Variants in NCOA7 observed in about 807,000 individuals in gnomAD.
The protein encoded by NCOA7 is 140 kDa estrogen receptor-associated protein.
Under a neutral mutation model 104.3 loss-of-function variants are expected in NCOA7, and 45 were observed. That is an observed-to-expected ratio of 0.43 (90% CI 0.34 to 0.55). The LOEUF is 0.55. Among genes scored for constraint, NCOA7 ranks in the 20% least tolerant of loss-of-function variants. The pLI is 0.02. For synonymous variants in NCOA7, 398 were observed against 402.3 expected, an observed-to-expected ratio of 0.99 and a Z score of 0.13; for missense variants, 1,041 against 1,119.7, an observed-to-expected ratio of 0.93 and a Z score of 1.00.
At chr6:125,840,722 C>A (rs1047046484) in intron 2 of NCOA7, among the ~76,000 whole-genome samples, 2 of 150,566 alleles carry the variant, frequency 1.3e-5, no homozygotes, top group Non-Finnish European at 2.9e-5. Flanking sequence ...TCTTTCTAGG[C>A]TGGTCTTGAA....
chr6:125,880,792 A>G (rs949595261), intron 5 of NCOA7, among the ~76,000 whole-genome samples: 2 of 152,118 alleles, frequency 1.3e-5, no homozygotes, highest in African/African-American at 4.8e-5. Context: ...TTGGTCTCCC[A>G]AAGTGCTGGG....
In NCOA7 at chr6:125,815,719, G is replaced by A. The variant is rs112174077; in HGVS notation, c.50+315G>A. Among the ~76,000 whole-genome samples the A allele has an allele frequency of 9.2e-5, 14 of 152,278 alleles. 1 individual carries two copies. Among genetic ancestry groups the A allele is most frequent in the African/African-American group, 3.4e-4 (14 of 41,556 alleles). ...CTACCTTGAATTTTAAATCCTAAGT[G>A]CTTTGTTCCTACTGTTCTGTAGCTT... On this transcript the variant is annotated intron_variant, in intron 2 of 15. Coordinates refer to ENST00000392477, the MANE Select transcript of NCOA7 (RefSeq NM_181782.5).
At chr6:125,868,089 A>C (rs1782585974) in intron 3 of NCOA7, among the ~76,000 whole-genome samples, 1 of 152,230 alleles carries the variant, frequency 6.6e-6, no homozygotes, top group Non-Finnish European at 1.5e-5. Flanking sequence ...TCATCATTAA[A>C]GAAGTTCACT....
At chr6:125,875,135 C>G in intron 4 of NCOA7, 167 bp downstream of exon 4, 1 of 518,318 alleles carries the variant, frequency 1.9e-6, no homozygotes, top group Non-Finnish European at 3.5e-6. Context: ...CATATTTTCT[C>G]CCTGGTCAAT....
intron 2 of NCOA7, among the ~76,000 whole-genome samples, chr6:125,841,132 C>G (rs1780128344): frequency 6.6e-6 from 1 of 151,610 alleles, no homozygotes; most frequent in Non-Finnish European, 1.5e-5. Context: ...ACCTAGAGAT[C>G]CACTGCCTCG....
intron 4 of NCOA7, among the ~76,000 whole-genome samples, chr6:125,876,284 G>A (rs767438218): frequency 1.8e-4 from 27 of 152,148 alleles, no homozygotes; most frequent in Non-Finnish European, 3.5e-4. Flanking sequence ...CCCTGTGAAC[G>A]TCTCTAGACA....
At chr6:125,892,371 T>G (rs1300185094) in intron 10 of NCOA7, among the ~76,000 whole-genome samples, 1 of 152,180 alleles carries the variant, frequency 6.6e-6, no homozygotes, top group Non-Finnish European at 1.5e-5. Flanking sequence ...GTACTTCTCT[T>G]TCACTTCTTA....
At position 125,840,230 on chromosome 6, in the gene NCOA7, G is replaced by T. The variant is rs549496047; in HGVS notation, c.51-14790G>T. Among the ~76,000 whole-genome samples the T allele has an allele frequency of 1.8e-3, 280 of 152,064 alleles. 7 individuals are homozygous for T. The highest frequency in any genetic ancestry group is 6.5e-3 in the African/African-American group (271 of 41,446). On this transcript the variant is annotated intron_variant, in intron 2 of 15. Coordinates refer to ENST00000392477, the MANE Select transcript of NCOA7 (RefSeq NM_181782.5). Reference sequence around the variant, plus strand: ...TTTTAGAAATAGAAAAAAGCTTATAGAATAAGCATATAAAGAAAATATTTT... The same window carrying T: ...TTTTAGAAATAGAAAAAAGCTTATATAATAAGCATATAAAGAAAATATTTT...
Position 125,816,939 on chromosome 6 carries a change from C to T in NCOA7, c.50+1535C>T, listed in dbSNP as rs868713759. On this transcript the variant is annotated intron_variant, in intron 2 of 15. Transcript: ENST00000392477. ...TTGTATCCCTACTCACTCCTTCCAT[C>T]TGCCTGCCTCCTCTGACAACCACTA... is the stretch of plus-strand genomic sequence containing the variant. Among the ~76,000 whole-genome samples the T allele has an allele frequency of 5.3e-5, 8 of 152,350 alleles. No individual in the cohort carries two copies. In the South Asian group the frequency reaches 1.7e-3, roughly 32 times the overall value.
At chr6:125,868,855 C>T (rs948451804) in intron 3 of NCOA7, among the ~76,000 whole-genome samples, 2 of 152,176 alleles carry the variant, frequency 1.3e-5, no homozygotes, top group African/African-American at 4.8e-5. Flanking sequence ...GTGCTGTCAG[C>T]CTCCTGAACC....
Position 125,830,720 on chromosome 6 carries a change from T to G in NCOA7, c.50+15316T>G, listed in dbSNP as rs531228892. ...AGGCCCTGTGTCTCTCTCTATATAT[T>G]TTATATATATATATATATGTGTGTG... On this transcript the variant is annotated intron_variant, in intron 2 of 15. Transcript: ENST00000392477. 3.7e-3 allele frequency among the ~76,000 whole-genome samples: 444 copies of G among 118,620 alleles called. 2 individuals are homozygous for G. The highest frequency in any genetic ancestry group is 6.5e-3 in the Non-Finnish European group (340 of 52,590). 77.8% of individuals were successfully genotyped at this position (118,620 alleles called of 152,430 possible). A position where few individuals can be genotyped will look rare whatever the true frequency, so the allele number is the denominator to read the frequency against.
chr6:125,794,837 G>A (rs761261217), intron 1 of NCOA7, among the ~76,000 whole-genome samples: 16 of 152,082 alleles, frequency 1.1e-4, no homozygotes, highest in Non-Finnish European at 1.6e-4. Flanking sequence ...TGCCTTAAAC[G>A]CTATATAGGT....
Position 125,882,831 on chromosome 6 carries a change from C to T in NCOA7, c.699+280C>T, listed in dbSNP as rs529979949. Among the ~76,000 whole-genome samples the T allele has an allele frequency of 2.6e-5, 4 of 152,260 alleles. No homozygotes were observed. In the East Asian group the frequency reaches 7.7e-4, roughly 29 times the overall value. On this transcript the variant is annotated intron_variant, in intron 7 of 15. Coordinates refer to ENST00000392477, the MANE Select transcript of NCOA7 (RefSeq NM_181782.5). The stretch of plus-strand genomic sequence containing the variant: ...ATTGTTAGGGAGACAATATACTGTA[C>T]ATATAACAGCAAACACTGGAGTCAG...
At chr6:125,864,071 T>G (rs1172326088) in intron 3 of NCOA7, among the ~76,000 whole-genome samples, 1 of 137,858 alleles carries the variant, frequency 7.3e-6, no homozygotes, top group Non-Finnish European at 1.5e-5. Context: ...GCATACTCTT[T>G]GACCCAACAA....
intron 10 of NCOA7, among the ~76,000 whole-genome samples, chr6:125,894,572 C>T (rs770805215): frequency 2.6e-5 from 4 of 152,068 alleles, no homozygotes; most frequent in South Asian, 2.1e-4. Context: ...ATAAGGACAA[C>T]GTGAAGTTTA....
At chr6:125,841,442 T>G (rs1160515201) in intron 2 of NCOA7, among the ~76,000 whole-genome samples, 1 of 152,112 alleles carries the variant, frequency 6.6e-6, no homozygotes, top group Non-Finnish European at 1.5e-5. Flanking sequence ...CAAGGCATGA[T>G]TATATTTATT....
intron 10 of NCOA7, among the ~76,000 whole-genome samples, chr6:125,914,686 T>C (rs1251840492): frequency 1.3e-5 from 2 of 152,168 alleles, no homozygotes; most frequent in Admixed American, 1.3e-4. Context: ...TTTTCACAGC[T>C]CTCATTCTCT....
At chr6:125,824,477 A>G (rs1778478024) in intron 2 of NCOA7, among the ~76,000 whole-genome samples, 1 of 152,226 alleles carries the variant, frequency 6.6e-6, no homozygotes, top group South Asian at 2.1e-4. Context: ...AATGAATTAA[A>G]ATATATGAAG....
chr6:125,878,997 T>A (rs1783605513), intron 5 of NCOA7, among the ~76,000 whole-genome samples: 1 of 152,198 alleles, frequency 6.6e-6, no homozygotes, highest in South Asian at 2.1e-4. Context: ...GACAATTGAA[T>A]CGCAATCTAT....
Sources: allele counts gnomAD v4.1 joint callset (sites outside exome capture counted in the v4.1 genomes callset), GRCh38; gene constraint gnomAD v4.1.1; transcripts MANE v1.5; gene names NCBI Gene and HGNC (gene_info 2026-07-23, HGNC 2026-07-21).